MECOM: variants seen among roughly 807,000 people sequenced by gnomAD.
The protein encoded by MECOM is MDS1 and EVI1 complex locus.
A neutral mutation model predicts 116.3 loss-of-function variants in MECOM; 13 were observed. That is an observed-to-expected ratio of 0.11 (90% CI 0.07 to 0.18). The LOEUF (loss-of-function observed/expected upper bound fraction) is 0.18, where lower values mean the gene tolerates loss of function less well. MECOM is among the 10% of genes least tolerant of loss of function. The pLI, the probability that MECOM is intolerant of heterozygous loss-of-function variation, is 1.00. For missense variants in MECOM, 1,299 were observed against 1,509.0 expected (o/e 0.86, Z 2.31); for synonymous variants, 528 against 535.2 (o/e 0.99, Z 0.19).
At chr3:169,627,538 T>C (rs188066506) in intron 1 of MECOM, among the ~76,000 whole-genome samples, 58 of 152,346 alleles carry the variant, frequency 3.8e-4, no homozygotes, top group Non-Finnish European at 2.4e-4. Flanking sequence ...ATGTTACTTT[T>C]GAAATAAAAT....
intron 1 of MECOM, among the ~76,000 whole-genome samples, chr3:169,548,421 T>G (rs1760982614): frequency 6.6e-6 from 1 of 152,238 alleles, no homozygotes; most frequent in Admixed American, 6.5e-5. Flanking sequence ...CATAATTGGT[T>G]GGCCCTATAT....
chr3:169,380,190 A>G (rs1732163654), intron 2 of MECOM, among the ~76,000 whole-genome samples: 1 of 152,172 alleles, frequency 6.6e-6, no homozygotes, highest in Admixed American at 6.6e-5. Flanking sequence ...ATAAATATTA[A>G]GGAAACATAC....
chr3:169,336,947 C>T (rs1029073494), intron 2 of MECOM, among the ~76,000 whole-genome samples: 6 of 151,764 alleles, frequency 4.0e-5, no homozygotes, highest in Non-Finnish European at 7.4e-5. Flanking sequence ...ATATTTTTTC[C>T]GAGAGAAATT....
chr3:169,363,066 G>A (rs1158713098), intron 2 of MECOM, among the ~76,000 whole-genome samples: 2 of 151,852 alleles, frequency 1.3e-5, no homozygotes, highest in African/African-American at 4.8e-5. Flanking sequence ...GCCACCTACT[G>A]TTCAGCCACA....
intron 5 of MECOM, among the ~76,000 whole-genome samples, chr3:169,124,725 T>A (rs1732254910): frequency 6.6e-6 from 1 of 152,120 alleles, no homozygotes; most frequent in African/African-American, 2.4e-5. Context: ...TGATAATTAT[T>A]AAAGCTGAAC....
intron 2 of MECOM, among the ~76,000 whole-genome samples, chr3:169,227,776 A>G (rs981629592): frequency 1.3e-5 from 2 of 152,216 alleles, no homozygotes; most frequent in Non-Finnish European, 2.9e-5. Context: ...AAAAATGACA[A>G]CATTTCAAGA....
At position 169,089,185 on chromosome 3, in the gene MECOM, T is replaced by C; in HGVS notation, c.3402-2A>G. ...CTTTTATATTCTTCCTCTTTATACC[T>C]AAAATGAACCAACGAAAAACACAGA... On this transcript the variant is annotated splice_acceptor_variant, in intron 15 of 16. Coordinates refer to ENST00000651503, the MANE Select transcript of MECOM (RefSeq NM_004991.4). LOFTEE classifies it high-confidence loss of function. 3 of 1,495,274 alleles carry C rather than the reference T, an allele frequency of 2.0e-6. No individual in the cohort carries two copies. Among genetic ancestry groups the C allele is most frequent in the Non-Finnish European group, 1.8e-6 (2 of 1,124,170 alleles). 92.6% of individuals were successfully genotyped at this position (1,495,274 alleles called of 1,614,324 possible).
chr3:169,647,207 C>G (rs1013782956), intron 1 of MECOM, among the ~76,000 whole-genome samples: 3 of 152,174 alleles, frequency 2.0e-5, no homozygotes, highest in Non-Finnish European at 4.4e-5. Context: ...AGGTTTGGAT[C>G]CTGGCTCTGT....
intron 2 of MECOM, among the ~76,000 whole-genome samples, chr3:169,287,171 C>T (rs1293136143): frequency 1.3e-5 from 2 of 152,172 alleles, no homozygotes; most frequent in Non-Finnish European, 2.9e-5. Context: ...CACCATTTCA[C>T]TGTTGCCACA....
At chr3:169,476,265 G>T (rs538710796) in intron 1 of MECOM, among the ~76,000 whole-genome samples, 49 of 152,290 alleles carry the variant, frequency 3.2e-4, no homozygotes, top group African/African-American at 1.1e-3. Flanking sequence ...CAATTAGATT[G>T]ATTTGACAAT....
chr3:169,658,948 C>G lies in MECOM; in HGVS notation c.37+4388G>C, dbSNP rs779484819. ...CTAGCCCGGGGAGGAGGGCGTCCCC[C>G]CTTCCTGCCCCAGGTCACAACTGCA... On this transcript the variant is annotated intron_variant, in intron 1 of 16. Coordinates refer to ENST00000651503, the MANE Select transcript of MECOM (RefSeq NM_004991.4). 3.9e-5 allele frequency among the ~76,000 whole-genome samples: 6 copies of G among 152,170 alleles called. No homozygotes were observed. In the East Asian group the frequency reaches 5.8e-4, roughly 15 times the overall value.
chr3:169,448,684 A>G (rs1745061107), intron 1 of MECOM, among the ~76,000 whole-genome samples: 1 of 152,170 alleles, frequency 6.6e-6, no homozygotes, highest in African/African-American at 2.4e-5. Context: ...TATGGCAGCA[A>G]ACCATAATGA....
rs550445839 is a variant in MECOM at position 169,526,270 on chromosome 3, A to G, written c.37+137066T>C. Among the ~76,000 whole-genome samples, 5 of 152,330 alleles carry G rather than the reference A, an allele frequency of 3.3e-5. No individual in the cohort carries two copies. The East Asian group carries it at 9.6e-4, about 29-fold the overall frequency. On this transcript the variant is annotated intron_variant, in intron 1 of 16. Coordinates refer to ENST00000651503, the MANE Select transcript of MECOM (RefSeq NM_004991.4). ...GAGTAAGCCAGTCAGGTTCCTGGAC[A>G]GTGCCATTTGTATTAAAAAGATCAG...
intron 7 of MECOM, among the ~76,000 whole-genome samples, chr3:169,120,262 T>C (rs535059321): frequency 1.3e-5 from 2 of 152,292 alleles, no homozygotes; most frequent in African/African-American, 4.8e-5. Flanking sequence ...TGATTTTACT[T>C]ATAAAATGTT....
In MECOM at chr3:169,386,289, C is replaced by T. The variant is rs1733305852; in HGVS notation, c.38-4765G>A. ...ATCCACATTTTCTCATTTTAATGCT[C>T]AAAACAATCCATTGAGAAAATGATG... is the stretch of plus-strand genomic sequence containing the variant. On this transcript the variant is annotated intron_variant, in intron 1 of 16. Transcript: ENST00000651503. Among the ~76,000 whole-genome samples, 8 of 152,184 alleles carry T rather than the reference C, an allele frequency of 5.3e-5. No homozygotes were observed. In the South Asian group the frequency reaches 1.7e-3, roughly 32 times the overall value.
At chr3:169,226,031 A>G (rs1752688055) in intron 2 of MECOM, among the ~76,000 whole-genome samples, 1 of 152,238 alleles carries the variant, frequency 6.6e-6, no homozygotes, top group Non-Finnish European at 1.5e-5. Flanking sequence ...ATTTTATTAC[A>G]TAAACTTCCA....
intron 1 of MECOM, among the ~76,000 whole-genome samples, chr3:169,592,302 G>A (rs543799822): frequency 3.1e-4 from 47 of 152,274 alleles, no homozygotes; most frequent in South Asian, 2.5e-3. Context: ...TCCTAAAGAC[G>A]GATGTGGCTG....
intron 1 of MECOM, among the ~76,000 whole-genome samples, chr3:169,658,084 A>G (rs1296715851): frequency 1.3e-5 from 2 of 152,176 alleles, no homozygotes; most frequent in African/African-American, 4.8e-5. Flanking sequence ...TGAAGGCCAG[A>G]AGAGTGGGAA....
At chr3:169,485,841 G>A (rs960121778) in intron 1 of MECOM, among the ~76,000 whole-genome samples, 3 of 134,034 alleles carry the variant, frequency 2.2e-5, no homozygotes, top group Non-Finnish European at 3.1e-5. Flanking sequence ...ATATATATGT[G>A]TGTGTGTGTA....
Sources: allele counts gnomAD v4.1 joint callset (sites outside exome capture counted in the v4.1 genomes callset), GRCh38; gene constraint gnomAD v4.1.1; transcripts MANE v1.5; gene names NCBI Gene and HGNC (gene_info 2026-07-23, HGNC 2026-07-21).